SBK1: variants seen among roughly 807,000 people sequenced by gnomAD.
The protein encoded by SBK1 is SH3 domain binding kinase 1, also known as serine/threonine-protein kinase SBK1.
SBK1 carries 11 observed loss-of-function variants against 24.4 expected under a neutral mutation model. The ratio of observed to expected loss-of-function variants is 0.45; its 90% confidence interval spans 0.28 to 0.75. The LOEUF is 0.75. Ranked by LOEUF, SBK1 falls within the 30% of genes least tolerant of loss-of-function variation. The pLI is 0.12. For synonymous variants in SBK1, 308 were observed against 284.4 expected (o/e 1.08, Z -0.83); for missense variants, 467 against 620.5 (o/e 0.75, Z 2.63).
At chr16:28,283,741 C>G (rs1466327685) in intron 1 of SBK1, among the ~76,000 whole-genome samples, 1 of 152,152 alleles carries the variant, frequency 6.6e-6, no homozygotes, top group East Asian at 1.9e-4. Context: ...AGGACAGAGG[C>G]TGTGTAACAG....
intron 1 of SBK1, among the ~76,000 whole-genome samples, chr16:28,314,980 A>C (rs1287668833): frequency 6.6e-6 from 1 of 151,952 alleles, no homozygotes; most frequent in African/African-American, 2.4e-5. Flanking sequence ...ACTCCGTCTC[A>C]AAAAAAAGGG....
intron 1 of SBK1, among the ~76,000 whole-genome samples, chr16:28,308,343 G>T (rs1416808755): frequency 6.6e-6 from 1 of 150,838 alleles, no homozygotes; most frequent in Admixed American, 6.6e-5. Flanking sequence ...TAGAGATGGG[G>T]TTTCACCATG....
In SBK1 at chr16:28,292,750, G is replaced by A. The variant is rs2141575581; in HGVS notation, c.-558G>A. On this transcript the variant is annotated 5_prime_UTR_variant, in exon 1 of 4. Coordinates refer to ENST00000341901, the MANE Select transcript of SBK1 (RefSeq NM_001024401.3). ...AGCCCCCGCAGCCGAGGAGTGCGGG[G>A]AGCCCCCTTCCACATCCAGGATCCG... 1 of 985,204 alleles carries A rather than the reference G, an allele frequency of 1.0e-6. No individual in the cohort carries two copies. Among genetic ancestry groups the A allele is most frequent in the Non-Finnish European group, 1.2e-6 (1 of 829,798 alleles). 61.0% of individuals were successfully genotyped at this position (985,204 alleles called of 1,614,324 possible).
intron 1 of SBK1, among the ~76,000 whole-genome samples, chr16:28,310,932 CCT>C (rs753403477): frequency 3.3e-5 from 5 of 152,206 alleles, no homozygotes; most frequent in Non-Finnish European, 7.3e-5. Flanking sequence ...CATTGCTCCC[CCT>C]GTGCCTCCGA....
Position 28,319,071 on chromosome 16 carries a change from C to T in SBK1, c.303C>T (p.Thr101=). 4 of 1,614,032 alleles carry T rather than the reference C, an allele frequency of 2.5e-6. No individual in the cohort carries two copies. The Admixed American group carries it at 5.0e-5, about 20-fold the overall frequency. ...ACTTCCTACGGGAGGTGAGCATCAC[C>T]AACAGCCTCTCCTCCAGCCCCTTCA... ...LKNFLREVSI[T]NSLSSSPFII... Residue 101 remains threonine, a synonymous_variant, in exon 3 of 4, where the codon ACC becomes ACT. Coordinates refer to ENST00000341901, the MANE Select transcript of SBK1 (RefSeq NM_001024401.3). The surrounding 1 kb of genome is among the most constrained non-coding windows in gnomAD (Gnocchi z 4.0).
chr16:28,277,261 T>C (rs138373743), intron 1 of SBK1, among the ~76,000 whole-genome samples: 2 of 152,006 alleles, frequency 1.3e-5, no homozygotes, highest in Non-Finnish European at 2.9e-5. Context: ...ACGGATTCAT[T>C]TGCTCTGGGG....
At chr16:28,315,441 A>C (rs1278329831) in intron 1 of SBK1, among the ~76,000 whole-genome samples, 1 of 152,144 alleles carries the variant, frequency 6.6e-6, no homozygotes, top group African/African-American at 2.4e-5. Context: ...CCACGGATGG[A>C]GAGTTAGTTC....
chr16:28,259,683 C>A lies in SBK1; in HGVS notation c.257+181C>A, dbSNP rs997671320. Among the ~76,000 whole-genome samples the A allele has an allele frequency of 2.6e-5, 4 of 152,208 alleles. No individual in the cohort carries two copies. In the East Asian group the frequency reaches 7.7e-4, roughly 29 times the overall value. ...ACCTGGTTGTTGCCACAGCCTCCTT[C>A]CTATCTCCCCCACCCTAGCCCCAGA... is the stretch of plus-strand genomic sequence containing the variant. On this transcript the variant is annotated intron_variant, in intron 1 of 3. Coordinates refer to the SBK1 transcript ENST00000671413. The surrounding 1 kb of genome is among the most constrained non-coding windows in gnomAD (Gnocchi z 6.0).
At chr16:28,272,046 T>G (rs1349928546) in intron 1 of SBK1, among the ~76,000 whole-genome samples, 2 of 152,190 alleles carry the variant, frequency 1.3e-5, no homozygotes, top group Non-Finnish European at 2.9e-5. Flanking sequence ...TTTGTCCTCC[T>G]AACATATTTT....
chr16:28,304,154 G>A (rs1482288629), intron 1 of SBK1, among the ~76,000 whole-genome samples: 1 of 152,166 alleles, frequency 6.6e-6, no homozygotes. Context: ...GGTTAGCCAC[G>A]ACCCAAGTGT....
At chr16:28,268,791 C>T (rs1329654924) in intron 1 of SBK1, among the ~76,000 whole-genome samples, 1 of 151,894 alleles carries the variant, frequency 6.6e-6, no homozygotes, top group Non-Finnish European at 1.5e-5. Flanking sequence ...GAAAAAAGAG[C>T]TAGGCAGCCA....
At chr16:28,260,419 C>A (rs1406529064) in intron 1 of SBK1, among the ~76,000 whole-genome samples, 1 of 152,194 alleles carries the variant, frequency 6.6e-6, no homozygotes, top group Non-Finnish European at 1.5e-5. Flanking sequence ...TCTGCTCCAG[C>A]CCAGCCTGCC....
intron 1 of SBK1, among the ~76,000 whole-genome samples, chr16:28,308,352 T>C (rs2044730692): frequency 6.6e-6 from 1 of 150,884 alleles, no homozygotes. Context: ...GGTTTCACCA[T>C]GTTGTCCAGG....
intron 1 of SBK1, among the ~76,000 whole-genome samples, chr16:28,270,221 C>A (rs2044456321): frequency 6.6e-6 from 1 of 151,644 alleles, no homozygotes; most frequent in Non-Finnish European, 1.5e-5. Context: ...ACCCCCACAG[C>A]CAGATAATTT....
chr16:28,285,952 T>G (rs1204662468), intron 1 of SBK1: 1 of 152,300 alleles, frequency 6.6e-6, no homozygotes, highest in Non-Finnish European at 1.5e-5. Context: ...ACCGTCACAC[T>G]GTGTTTCCCC....
At position 28,320,798 on chromosome 16, in the gene SBK1, CGTGCCGGTGCCT is replaced by C; in HGVS notation, c.1158_1169del (p.Val387_Pro390del). On this transcript the variant is annotated inframe_deletion, in exon 4 of 4. Transcript: ENST00000341901. This position sits in a 1 kb window ranked among gnomAD's most constrained non-coding sequence, Gnocchi z 8.5. ...CCGTGCCGGTGCCGGTGCCAGTGCC[CGTGCCGGTGCCT>C]GTGCCCGAGCCCGGCCTAGCTCCCC... 3 of 1,432,414 alleles carry C rather than the reference CGTGCCGGTGCCT, an allele frequency of 2.1e-6. No individual in the cohort carries two copies. The highest frequency in any genetic ancestry group is 2.8e-6 in the Non-Finnish European group (3 of 1,090,684). 88.7% of individuals were successfully genotyped at this position (1,432,414 alleles called of 1,614,324 possible).
upstream of SBK1, among the ~76,000 whole-genome samples, chr16:28,287,634 TTTTTTG>T (rs1354279809): frequency 6.6e-6 from 1 of 151,680 alleles, no homozygotes; most frequent in African/African-American, 2.4e-5. Flanking sequence ...TGCTACTTCT[TTTTTTG>T]TTTTTGTTTG....
intron 1 of SBK1, among the ~76,000 whole-genome samples, chr16:28,280,736 C>T (rs1170797165): frequency 6.6e-6 from 1 of 152,162 alleles, no homozygotes; most frequent in African/African-American, 2.4e-5. Context: ...ATAATCTTGG[C>T]TCACTGCAAC....
intron 1 of SBK1, among the ~76,000 whole-genome samples, chr16:28,277,680 C>G (rs1173124252): frequency 6.6e-6 from 1 of 152,200 alleles, no homozygotes; most frequent in East Asian, 1.9e-4. Flanking sequence ...TTAAAAGGTA[C>G]TCTGGGGCTG....
Sources: gnomAD v4.1 joint callset for allele counts (sites outside exome capture counted in the v4.1 genomes callset) on GRCh38, gnomAD v4.1.1 for gene constraint, Gnocchi (gnomAD v3.1) non-coding constraint, MANE v1.5 for transcripts, NCBI Gene and HGNC (gene_info 2026-07-23, HGNC 2026-07-21) for gene names.